The following AATF variants were observed in gnomAD, a reference collection of about 807,000 sequenced individuals.
AATF encodes the protein protein AATF.
A neutral mutation model predicts 63.7 loss-of-function variants in AATF; 48 were observed. The ratio of observed to expected loss-of-function variants is 0.75; its 90% CI spans 0.60 to 0.96. The LOEUF is 0.96. Ranked by LOEUF, AATF falls within the 40% of genes least tolerant of loss-of-function variation. The pLI, the probability that AATF is intolerant of heterozygous loss-of-function variation, is 0.00. For missense variants in AATF, 639 were observed against 685.7 expected, an observed-to-expected ratio of 0.93 and a Z score of 0.76; for synonymous variants, 258 against 247.7, an observed-to-expected ratio of 1.04 and a Z score of -0.39.
intron 4 of AATF, among the ~76,000 whole-genome samples, chr17:36,967,562 C>G (rs959765135): frequency 5.3e-5 from 8 of 152,326 alleles, no homozygotes; most frequent in African/African-American, 1.9e-4. Context: ...GTCCAGCTGT[C>G]ATGCTGGGAT....
intron 8 of AATF, among the ~76,000 whole-genome samples, chr17:37,014,267 GTAATAATAATAATAA>G (rs71368437): frequency 6.9e-6 from 1 of 145,064 alleles, no homozygotes; most frequent in Non-Finnish European, 1.5e-5. Context: ...GACTGTCTTA[GTAATAATAATAATAA>G]TAATAATAAT....
chr17:37,042,491 T>C (rs1333569473), intron 11 of AATF, among the ~76,000 whole-genome samples: 1 of 151,766 alleles, frequency 6.6e-6, no homozygotes, highest in Admixed American at 6.6e-5. Context: ...TATAGCTCAC[T>C]GCAGCCTCGA....
At chr17:36,971,642 C>T (rs1022062442) in intron 4 of AATF, among the ~76,000 whole-genome samples, 6 of 152,180 alleles carry the variant, frequency 3.9e-5, no homozygotes, top group African/African-American at 1.4e-4. Flanking sequence ...TTCATAGCAG[C>T]ATTATTTATA....
intron 11 of AATF, among the ~76,000 whole-genome samples, chr17:37,040,716 G>GGT (rs1189531249): frequency 3.3e-5 from 2 of 61,366 alleles, no homozygotes; most frequent in African/African-American, 1.9e-4. Flanking sequence ...AAACTTATTT[G>GGT]GGGGGGGGAA....
intron 8 of AATF, among the ~76,000 whole-genome samples, chr17:36,993,127 A>G (rs2071228186): frequency 6.6e-6 from 1 of 152,236 alleles, no homozygotes. Context: ...AGAACTGTGC[A>G]GGTTTTAATC....
intron 4 of AATF, among the ~76,000 whole-genome samples, chr17:36,981,611 TTTC>T (rs200880478): frequency 2.7e-3 from 416 of 151,566 alleles, no homozygotes; most frequent in African/African-American, 9.0e-3. Context: ...GCCTGGCTGA[TTTC>T]TTCTTCTTCT....
chr17:36,960,779 G>A (rs2070940869), intron 4 of AATF, among the ~76,000 whole-genome samples: 1 of 152,138 alleles, frequency 6.6e-6, no homozygotes, highest in African/African-American at 2.4e-5. Context: ...CATTGTGTAG[G>A]CTTAAGGACC....
At chr17:36,958,454 T>G (rs8080201) in intron 4 of AATF, among the ~76,000 whole-genome samples, 2 of 152,110 alleles carry the variant, frequency 1.3e-5, no homozygotes, top group African/African-American at 4.8e-5. Context: ...TATGAGCCAC[T>G]GTGCCTGGCC....
chr17:36,986,761 T>C (rs1473122327), intron 5 of AATF, 30 bp downstream of exon 5: 2 of 1,558,846 alleles, frequency 1.3e-6, no homozygotes, highest in African/African-American at 1.4e-5. Flanking sequence ...GAGTTGCTTA[T>C]TTTCTTTTCA....
intron 4 of AATF, among the ~76,000 whole-genome samples, chr17:36,972,681 T>C (rs1313983111): frequency 1.3e-5 from 2 of 152,128 alleles, no homozygotes; most frequent in Non-Finnish European, 2.9e-5. Flanking sequence ...ATTTTTTTTT[T>C]TTTTTCCTAA....
chr17:36,979,153 G>T (rs2071101873), intron 4 of AATF, among the ~76,000 whole-genome samples: 1 of 151,974 alleles, frequency 6.6e-6, no homozygotes, highest in African/African-American at 2.4e-5. Context: ...CATATTTATT[G>T]CAGTGGAAAA....
intron 8 of AATF, among the ~76,000 whole-genome samples, chr17:37,013,147 A>C (rs950412404): frequency 7.9e-5 from 12 of 152,208 alleles, no homozygotes; most frequent in African/African-American, 2.9e-4. Context: ...ACCTCATTTT[A>C]AAATGGGCAA....
intron 4 of AATF, among the ~76,000 whole-genome samples, chr17:36,981,697 C>A (rs888567495): frequency 8.4e-6 from 1 of 118,726 alleles, no homozygotes; most frequent in Non-Finnish European, 1.7e-5. Context: ...CTTCTTCTTT[C>A]TTTTCTTTTT....
chr17:37,014,714 G>C (rs1186418547), intron 8 of AATF, among the ~76,000 whole-genome samples: 1 of 152,132 alleles, frequency 6.6e-6, no homozygotes, highest in Non-Finnish European at 1.5e-5. Flanking sequence ...AAAATTTTCA[G>C]TATTCCTTCA....
chr17:36,986,306 C>T (rs922179727), intron 4 of AATF, among the ~76,000 whole-genome samples: 37 of 152,092 alleles, frequency 2.4e-4, no homozygotes, highest in African/African-American at 8.7e-4. Context: ...TAATGAGAGG[C>T]CGGGGAGGAG....
intron 8 of AATF, among the ~76,000 whole-genome samples, chr17:36,996,375 G>A (rs1008095232): frequency 1.3e-5 from 2 of 152,130 alleles, no homozygotes; most frequent in East Asian, 1.9e-4. Context: ...TCGAAGCTAC[G>A]GTGAGCCAAG....
intron 4 of AATF, among the ~76,000 whole-genome samples, chr17:36,969,055 A>G (rs910288540): frequency 6.6e-6 from 1 of 150,672 alleles, no homozygotes; most frequent in Non-Finnish European, 1.5e-5. Flanking sequence ...ATTTTTGGTG[A>G]TCCTCTGCGG....
chr17:37,007,992 A>G (rs1207505319), intron 8 of AATF, among the ~76,000 whole-genome samples: 1 of 152,058 alleles, frequency 6.6e-6, no homozygotes, highest in African/African-American at 2.4e-5. Context: ...ATGACTTACC[A>G]TTTTTGCGGG....
chr17:36,983,200 C>G (rs1254497121), intron 4 of AATF, among the ~76,000 whole-genome samples: 1 of 152,050 alleles, frequency 6.6e-6, no homozygotes, highest in Non-Finnish European at 1.5e-5. Flanking sequence ...CGCTGCCATA[C>G]CTGGCTAATT....
Sources: gnomAD v4.1 joint callset for allele counts (sites outside exome capture counted in the v4.1 genomes callset) on GRCh38, gnomAD v4.1.1 for gene constraint, MANE v1.5 for transcripts, NCBI Gene and HGNC (gene_info 2026-07-23, HGNC 2026-07-21) for gene names.